ATP8A2: variants seen among roughly 807,000 people sequenced by gnomAD.
The protein encoded by ATP8A2 is phospholipid-transporting ATPase IB.
Under a neutral mutation model 165.6 loss-of-function variants are expected in ATP8A2, and 100 were observed. The ratio of observed to expected loss-of-function variants is 0.60; its 90% confidence interval spans 0.51 to 0.71. ATP8A2 has a LOEUF of 0.71. ATP8A2 is among the 30% of genes least tolerant of loss of function. ATP8A2 has a pLI of 0.00. For missense variants in ATP8A2, 1,227 were observed against 1,479.5 expected (o/e 0.83, Z 2.80); for synonymous variants, 543 against 548.8 (o/e 0.99, Z 0.15).
At chr13:25,523,963 A>G (rs2037752839) in intron 2 of ATP8A2, among the ~76,000 whole-genome samples, 1 of 151,616 alleles carries the variant, frequency 6.6e-6, no homozygotes. Flanking sequence ...GTTTATTTGA[A>G]GTCTTTCTCC....
intron 33 of ATP8A2, among the ~76,000 whole-genome samples, chr13:25,947,057 G>C (rs1257203993): frequency 6.6e-6 from 1 of 152,142 alleles, no homozygotes; most frequent in African/African-American, 2.4e-5. Context: ...CATGTTATTG[G>C]TTTTAATATG....
At chr13:25,540,189 C>T (rs1002239349) in intron 7 of ATP8A2, 130 bp from the exon 8 acceptor site, 8 of 688,716 alleles carry the variant, frequency 1.2e-5, no homozygotes, top group Admixed American at 4.7e-5. Flanking sequence ...CTCCTACTAT[C>T]GTGGTTATTT....
At chr13:25,916,385 C>A (rs1003780326) in intron 33 of ATP8A2, among the ~76,000 whole-genome samples, 1 of 152,198 alleles carries the variant, frequency 6.6e-6, no homozygotes, top group African/African-American at 2.4e-5. Flanking sequence ...CTTGCATTCC[C>A]TTGGTGGGGA....
intron 2 of ATP8A2, among the ~76,000 whole-genome samples, chr13:25,514,476 C>G (rs1160895272): frequency 6.6e-6 from 1 of 152,122 alleles, no homozygotes; most frequent in African/African-American, 2.4e-5. Context: ...GATAGCAAGA[C>G]TCACTTTTCG....
chr13:25,421,133 A>G (rs9511794), intron 1 of ATP8A2, among the ~76,000 whole-genome samples: 66,385 of 151,764 alleles, frequency 0.44, 15,377 homozygotes, highest in East Asian at 0.59. Flanking sequence ...TCACTTTGAC[A>G]TAGAAAGCAC....
intron 35 of ATP8A2, among the ~76,000 whole-genome samples, chr13:25,984,232 G>A (rs577361000): frequency 2.1e-4 from 31 of 144,580 alleles, no homozygotes; most frequent in Non-Finnish European, 3.5e-4. Flanking sequence ...GCAAGAAACC[G>A]TCTCAAAAAA....
At chr13:25,871,571 T>A (rs1005021089) in intron 33 of ATP8A2, among the ~76,000 whole-genome samples, 1 of 152,218 alleles carries the variant, frequency 6.6e-6, no homozygotes, top group African/African-American at 2.4e-5. Context: ...ATTAGGCATG[T>A]ACCAAGAAGT....
chr13:25,530,485 G>T, intron 3 of ATP8A2, 77 bp from the exon 4 acceptor site: 1 of 810,232 alleles, frequency 1.2e-6, no homozygotes, highest in Non-Finnish European at 2.1e-6. Flanking sequence ...TGAAACGTAC[G>T]TGACTGCCGT....
chr13:25,756,373 C>G (rs571380055), intron 25 of ATP8A2, among the ~76,000 whole-genome samples: 1 of 142,494 alleles, frequency 7.0e-6, no homozygotes, highest in African/African-American at 2.6e-5. Flanking sequence ...TTCGTCCAGG[C>G]TGGAGTGAAG....
intron 1 of ATP8A2, among the ~76,000 whole-genome samples, chr13:25,434,203 G>A (rs1566129747): frequency 6.6e-6 from 1 of 152,186 alleles, no homozygotes; most frequent in Non-Finnish European, 1.5e-5. Flanking sequence ...GATGGTTAGC[G>A]CTGAGGCTCT....
At chr13:25,903,626 C>T (rs1953836772) in intron 33 of ATP8A2, among the ~76,000 whole-genome samples, 2 of 152,208 alleles carry the variant, frequency 1.3e-5, no homozygotes, top group Non-Finnish European at 1.5e-5. Context: ...CTCTCTGCCA[C>T]GGTGGTCTCG....
intron 30 of ATP8A2, among the ~76,000 whole-genome samples, chr13:25,857,880 T>C (rs1952218906): frequency 6.6e-6 from 1 of 152,152 alleles, no homozygotes; most frequent in Admixed American, 6.5e-5. Flanking sequence ...AGCTAATGTA[T>C]TTCTTCATAG....
intron 15 of ATP8A2, among the ~76,000 whole-genome samples, chr13:25,560,130 G>A (rs2039098833): frequency 6.6e-6 from 1 of 152,056 alleles, no homozygotes; most frequent in Non-Finnish European, 1.5e-5. Context: ...GCTCGCCCTG[G>A]AGTAATTTTA....
chr13:25,745,240 G>C (rs1440343120), intron 25 of ATP8A2, among the ~76,000 whole-genome samples: 1 of 152,152 alleles, frequency 6.6e-6, no homozygotes, highest in Non-Finnish European at 1.5e-5. Context: ...ACTGCTTGGG[G>C]CCTGGCTTTT....
intron 10 of ATP8A2, among the ~76,000 whole-genome samples, chr13:25,544,666 G>A (rs2038587454): frequency 6.6e-6 from 1 of 152,158 alleles, no homozygotes; most frequent in South Asian, 2.1e-4. Flanking sequence ...TGAGTAGGAA[G>A]ACAAAGGCAG....
At chr13:26,001,774 C>G (rs1956635212) in intron 35 of ATP8A2, among the ~76,000 whole-genome samples, 1 of 151,966 alleles carries the variant, frequency 6.6e-6, no homozygotes, top group African/African-American at 2.4e-5. Context: ...GATACTAGAC[C>G]TTTATCAGAT....
At chr13:25,978,855 A>G (rs113713243) in intron 35 of ATP8A2, among the ~76,000 whole-genome samples, 12,974 of 152,008 alleles carry the variant, frequency 0.085, 1,526 homozygotes, top group African/African-American at 0.27. Flanking sequence ...CAGGAGAATG[A>G]CGTGAACCCG....
chr13:25,987,215 G>A (rs994210375), intron 35 of ATP8A2, among the ~76,000 whole-genome samples: 2 of 152,108 alleles, frequency 1.3e-5, no homozygotes, highest in Admixed American at 1.3e-4. Context: ...ATCATTGGTT[G>A]CCGTAAATCT....
chr13:25,749,855 A>G (rs1018531865), intron 25 of ATP8A2, among the ~76,000 whole-genome samples: 2 of 152,162 alleles, frequency 1.3e-5, no homozygotes, highest in Non-Finnish European at 2.9e-5. Flanking sequence ...GTTGACATCT[A>G]AGTTTGTTTT....
Sources: gnomAD v4.1 joint callset for allele counts (sites outside exome capture counted in the v4.1 genomes callset) on GRCh38, gnomAD v4.1.1 for gene constraint, MANE v1.5 for transcripts, NCBI Gene and HGNC (gene_info 2026-07-23, HGNC 2026-07-21) for gene names.